Variants in REPS1 observed in about 807,000 individuals in gnomAD.
The protein encoded by REPS1 is ralBP1-associated Eps domain-containing protein 1.
In REPS1, 39 loss-of-function variants were observed where a neutral mutation model predicts 100.9. The ratio of observed to expected loss-of-function variants is 0.39; its 90% CI spans 0.30 to 0.50. The LOEUF (loss-of-function observed/expected upper bound fraction) is 0.50, where lower values mean the gene tolerates loss of function less well. Among genes scored for constraint, REPS1 ranks in the 20% least tolerant of loss-of-function variants. REPS1 has a pLI of 0.86. For synonymous variants in REPS1, 324 were observed against 340.3 expected, an observed-to-expected ratio of 0.95 and a Z score of 0.53; for missense variants, 821 against 968.5, an observed-to-expected ratio of 0.85 and a Z score of 2.02.
intron 9 of REPS1, chr6:138,928,504 A>T (rs185816342): frequency 1.3e-5 from 2 of 152,032 alleles, no homozygotes; most frequent in African/African-American, 4.8e-5. Context: ...TCGAAAAAAA[A>T]TTATGACATT....
rs368037757 is a variant in REPS1 at position 138,916,277 on chromosome 6, G to A, written c.1602-301C>T. The A allele has an allele frequency of 7.6e-5, 18 of 238,166 alleles. No homozygotes were observed. In the East Asian group the frequency reaches 8.6e-4, roughly 11 times the overall value. 14.8% of individuals were successfully genotyped at this position (238,166 alleles called of 1,614,324 possible). A position where few individuals can be genotyped will look rare whatever the true frequency, so the allele number is the denominator to read the frequency against. On this transcript the variant is annotated intron_variant, in intron 13 of 19. Coordinates refer to ENST00000450536, the MANE Select transcript of REPS1 (RefSeq NM_001286611.2). Reference sequence around the variant, plus strand: ...ACTCTGTTGCCCAGGCTGGAGTGCAGTGACACCATTTTGGCTCACTGCAAC... The same window carrying A: ...ACTCTGTTGCCCAGGCTGGAGTGCAATGACACCATTTTGGCTCACTGCAAC...
intron 1 of REPS1, among the ~76,000 whole-genome samples, chr6:138,972,659 T>C (rs578031062): frequency 6.8e-6 from 1 of 146,554 alleles, no homozygotes; most frequent in South Asian, 2.2e-4. Context: ...GTGAGTTTAC[T>C]ACTAAAGTGA....
chr6:138,980,931 C>T (rs952800355), intron 1 of REPS1, among the ~76,000 whole-genome samples: 1 of 152,138 alleles, frequency 6.6e-6, no homozygotes, highest in Non-Finnish European at 1.5e-5. Flanking sequence ...ACCCCCAATA[C>T]AAAGAACAGC....
At chr6:138,981,740 T>C (rs1454069082) in intron 1 of REPS1, among the ~76,000 whole-genome samples, 1 of 152,198 alleles carries the variant, frequency 6.6e-6, no homozygotes, top group Non-Finnish European at 1.5e-5. Context: ...ATATCAGACA[T>C]TCTGTGATTT....
At position 138,912,783 on chromosome 6, in the gene REPS1, T is replaced by C; in HGVS notation, c.1953A>G (p.Lys651=). ...AACTGACCGGCAGGACTTCTGGATG[T>C]TTCTCGGCTTCATCATCTTGTTCGT... The part of the protein sequence containing the change: ...VNDEQDDEAE[K]HPEVLPAEKA... The change falls in exon 16 of 20, where the codon AAA becomes AAG. Residue 651 remains lysine (K), a synonymous_variant. Coordinates refer to ENST00000450536, the MANE Select transcript of REPS1 (RefSeq NM_001286611.2). 1 of 1,614,222 alleles carries C rather than the reference T, an allele frequency of 6.2e-7. No individual in the cohort carries two copies.
At chr6:138,953,084 G>A (rs989724076) in intron 1 of REPS1, among the ~76,000 whole-genome samples, 62 of 151,960 alleles carry the variant, frequency 4.1e-4, no homozygotes, top group African/African-American at 1.5e-3. Flanking sequence ...TGATCTGCCC[G>A]CCTCAGCCTC....
intron 9 of REPS1, chr6:138,928,928 T>A (rs1657795175): frequency 6.6e-6 from 1 of 152,184 alleles, no homozygotes. Flanking sequence ...GATGTTATAA[T>A]GTCTCAGACA....
Position 138,941,509 on chromosome 6 carries a change from T to C in REPS1, c.981-20A>G, listed in dbSNP as rs950627829. On this transcript the variant is annotated intron_variant, in intron 7 of 19. Transcript: ENST00000450536. ...AGTTCCCTAGAAGATAAGTTTATTG[T>C]GAATATAATCACATTCCGCTTTGGA... 1.2e-6 allele frequency: 2 copies of C among 1,606,896 alleles called. No individual in the cohort carries two copies. Among genetic ancestry groups the C allele is most frequent in the Non-Finnish European group, 1.7e-6 (2 of 1,174,676 alleles).
At chr6:138,918,347 T>C (rs1292634964) in intron 12 of REPS1, among the ~76,000 whole-genome samples, 1 of 152,214 alleles carries the variant, frequency 6.6e-6, no homozygotes, top group African/African-American at 2.4e-5. Context: ...ATGCAAATAC[T>C]ACACCATTCT....
chr6:138,963,843 A>G (rs1783871236), intron 1 of REPS1, among the ~76,000 whole-genome samples: 1 of 152,218 alleles, frequency 6.6e-6, no homozygotes, highest in Admixed American at 6.5e-5. Context: ...TCATTTCAAT[A>G]CTTAGCACAA....
intron 2 of REPS1, among the ~76,000 whole-genome samples, chr6:138,946,380 T>C (rs1234066353): frequency 6.6e-6 from 1 of 152,166 alleles, no homozygotes; most frequent in East Asian, 1.9e-4. Context: ...TGAGAAACTG[T>C]TTGCAGGTAA....
chr6:138,982,468 C>A (rs1226854416), intron 1 of REPS1, among the ~76,000 whole-genome samples: 1 of 152,184 alleles, frequency 6.6e-6, no homozygotes, highest in Non-Finnish European at 1.5e-5. Context: ...AGTTTTAAGA[C>A]ATTTCCCAAA....
chr6:138,987,895 C>T lies in REPS1; in HGVS notation c.-213G>A. ...GCTGCGCTCGCCGCGCCGCTGCCTG[C>T]GAGGCCCGGCGCGCGGCTGCGGCTG... On this transcript the variant is annotated 5_prime_UTR_variant, in exon 1 of 20. Coordinates refer to ENST00000450536, the MANE Select transcript of REPS1 (RefSeq NM_001286611.2). The T allele has an allele frequency of 2.4e-6, 1 of 421,024 alleles. No individual in the cohort carries two copies. Among genetic ancestry groups the T allele is most frequent in the Non-Finnish European group, 3.9e-6 (1 of 255,452 alleles). The allele number at this position is 421,024 out of a possible 1,614,324, so 26.1% of individuals were successfully genotyped here.
chr6:138,916,096 T>TTA, intron 13 of REPS1, 120 bp from the exon 14 acceptor site: 1 of 770,044 alleles, frequency 1.3e-6, no homozygotes, highest in Non-Finnish European at 2.3e-6. Flanking sequence ...TTCTCAACAC[T>TTA]CAAGTATGTA....
Position 138,911,385 on chromosome 6 carries a change from T to G in REPS1, c.1972-14A>C. Reference sequence around the variant, plus strand: ...AGCTTTTTCAGCCTAAAAATGAATATGTTTATCACTATTAATTCTACATAA... The same window carrying G: ...AGCTTTTTCAGCCTAAAAATGAATAGGTTTATCACTATTAATTCTACATAA... On this transcript the variant is annotated splice_polypyrimidine_tract_variant and intron_variant, in intron 16 of 19. Transcript: ENST00000450536. 1.3e-6 allele frequency: 2 copies of G among 1,513,942 alleles called. No individual in the cohort carries two copies. Among genetic ancestry groups the G allele is most frequent in the Non-Finnish European group, 1.8e-6 (2 of 1,089,402 alleles). The allele number at this position is 1,513,942 out of a possible 1,614,324, so 93.8% of individuals were successfully genotyped here. A position where few individuals can be genotyped will look rare whatever the true frequency, so the allele number is the denominator to read the frequency against.
chr6:138,933,424 C>A (rs978419145), intron 8 of REPS1, among the ~76,000 whole-genome samples: 1 of 152,148 alleles, frequency 6.6e-6, no homozygotes, highest in Non-Finnish European at 1.5e-5. Flanking sequence ...GAATTTCATA[C>A]AATTTTTAAT....
At chr6:138,940,785 GA>G (rs1782198890) in intron 8 of REPS1, among the ~76,000 whole-genome samples, 1 of 150,662 alleles carries the variant, frequency 6.6e-6, no homozygotes, top group African/African-American at 2.4e-5. Context: ...AAGGAAGAAA[GA>G]AAGAAAGGTC....
chr6:138,969,696 T>C (rs1190117810), intron 1 of REPS1, among the ~76,000 whole-genome samples: 2 of 152,034 alleles, frequency 1.3e-5, no homozygotes, highest in Non-Finnish European at 2.9e-5. Context: ...AGCCTCTCTG[T>C]AGCTCAAGGT....
intron 1 of REPS1, among the ~76,000 whole-genome samples, chr6:138,974,542 T>C (rs1784498268): frequency 6.6e-6 from 1 of 152,188 alleles, no homozygotes; most frequent in Admixed American, 6.5e-5. Context: ...GGGTTTAAAA[T>C]GTAAGGTGCC....
Sources: gnomAD v4.1 joint callset for allele counts (sites outside exome capture counted in the v4.1 genomes callset) on GRCh38, gnomAD v4.1.1 for gene constraint, MANE v1.5 for transcripts, NCBI Gene and HGNC (gene_info 2026-07-23, HGNC 2026-07-21) for gene names.